ADAMTSL1: variants seen among roughly 807,000 people sequenced by gnomAD.
The protein encoded by ADAMTSL1 is ADAMTS-like protein 1.
Under a neutral mutation model 201.8 loss-of-function variants are expected in ADAMTSL1, and 126 were observed. The ratio of observed to expected loss-of-function variants is 0.62; its 90% CI spans 0.54 to 0.72. The LOEUF (loss-of-function observed/expected upper bound fraction) is 0.72. ADAMTSL1 is among the 30% of genes least tolerant of loss of function. ADAMTSL1 has a pLI of 0.00. For missense variants in ADAMTSL1, 2,679 were observed against 2,277.8 expected, an observed-to-expected ratio of 1.18 and a Z score of -3.59; for synonymous variants, 1,121 against 903.4, an observed-to-expected ratio of 1.24 and a Z score of -4.32.
At position 18,889,735 on chromosome 9, in the gene ADAMTSL1, G is replaced by C; in HGVS notation, c.4630G>C (p.Asp1544His). The C allele has an allele frequency of 1.3e-6, 2 of 1,507,718 alleles. No homozygotes were observed. The highest frequency in any genetic ancestry group is 1.3e-5 in the South Asian group (1 of 76,526). 93.4% of individuals were successfully genotyped at this position (1,507,718 alleles called of 1,614,324 possible). Reference protein sequence around the residue: ...AVQPIACNRRDCPSRWMVTSW... With the variant: ...AVQPIACNRRHCPSRWMVTSW... ...GCAGCCCATCGCGTGCAACCGGAGA[G>C]ACTGCCCTTCTCGGTGAGTGCAGCG... The change falls in exon 25 of 29, where the codon GAC becomes CAC. Residue 1544 changes from aspartate (D) to histidine (H), a missense_variant. Physicochemically the swap from Asp to His is moderately conservative, Grantham distance 81. Coordinates refer to ENST00000380548, the MANE Select transcript of ADAMTSL1 (RefSeq NM_001040272.6).
intron 4 of ADAMTSL1, among the ~76,000 whole-genome samples, chr9:18,578,961 G>A (rs1822911980): frequency 6.6e-6 from 1 of 151,242 alleles, no homozygotes; most frequent in African/African-American, 2.4e-5. Context: ...GTTTTGATTT[G>A]CATTTCTCTG....
chr9:18,272,216 G>A (rs1388511058), intron 2 of ADAMTSL1, among the ~76,000 whole-genome samples: 1 of 152,062 alleles, frequency 6.6e-6, no homozygotes, highest in African/African-American at 2.4e-5. Flanking sequence ...ATACTACAAG[G>A]CTACAGTAAC....
chr9:17,952,196 C>G (rs1003783923), intron 1 of ADAMTSL1, among the ~76,000 whole-genome samples: 21 of 151,614 alleles, frequency 1.4e-4, no homozygotes, highest in Admixed American at 1.1e-3. Flanking sequence ...TCAAGCAATC[C>G]TCCTGCCTCA....
At chr9:18,189,383 A>G (rs994081604) in intron 2 of ADAMTSL1, among the ~76,000 whole-genome samples, 1 of 152,144 alleles carries the variant, frequency 6.6e-6, no homozygotes, top group Non-Finnish European at 1.5e-5. Context: ...CAGACTTCCC[A>G]GTTGATCTAA....
In ADAMTSL1 at chr9:18,438,699, C is replaced by T. The variant is rs111902116; in HGVS notation, c.208-66130C>T. Reference sequence around the variant, plus strand: ...CATTTGCTGTTGTTGGCTGCGGCTCCGGGTGCCCGGCGCCAACTCCTCCGC... The same window carrying T: ...CATTTGCTGTTGTTGGCTGCGGCTCTGGGTGCCCGGCGCCAACTCCTCCGC... On this transcript the variant is annotated intron_variant, in intron 2 of 29. Coordinates refer to the ADAMTSL1 transcript ENST00000680146. 3.5e-3 allele frequency among the ~76,000 whole-genome samples: 536 copies of T among 152,276 alleles called. 3 individuals are homozygous for T. Among genetic ancestry groups the T allele is most frequent in the African/African-American group, 0.012 (512 of 41,566 alleles).
Position 18,504,849 on chromosome 9 carries a change from C to G in ADAMTSL1, c.84C>G (p.Ser28=). 1 of 1,614,112 alleles carries G rather than the reference C, an allele frequency of 6.2e-7. No individual in the cohort carries two copies. The highest frequency in any genetic ancestry group is 8.5e-7 in the Non-Finnish European group (1 of 1,180,000). Residue 28 remains serine (S), a synonymous_variant, in exon 2 of 29, where the codon TCC becomes TCG. Coordinates refer to ENST00000380548, the MANE Select transcript of ADAMTSL1 (RefSeq NM_001040272.6). ...FLLLSSRTAR[S]EEDRDGLWDA... is the part of the protein sequence containing the mutation. Reference sequence around the variant, plus strand: ...CACAGAGTTCCAGGACCGCACGCTCCGAGGAGGACCGGGACGGCCTATGGG... The same window carrying G: ...CACAGAGTTCCAGGACCGCACGCTCGGAGGAGGACCGGGACGGCCTATGGG...
At chr9:17,977,732 A>G (rs1478313256) in intron 1 of ADAMTSL1, among the ~76,000 whole-genome samples, 2 of 151,926 alleles carry the variant, frequency 1.3e-5, no homozygotes, top group Non-Finnish European at 2.9e-5. Flanking sequence ...TCTATTCTGC[A>G]GAAGGTTTTG....
intron 1 of ADAMTSL1, among the ~76,000 whole-genome samples, chr9:17,925,605 A>G (rs1425013437): frequency 7.8e-6 from 1 of 127,554 alleles, no homozygotes; most frequent in African/African-American, 2.8e-5. Flanking sequence ...TATCGCAAGA[A>G]CAAAAAACCA....
intron 2 of ADAMTSL1, among the ~76,000 whole-genome samples, chr9:18,277,504 G>T (rs1832630080): frequency 1.3e-5 from 2 of 152,020 alleles, no homozygotes; most frequent in African/African-American, 4.8e-5. Flanking sequence ...TTGATGAGTT[G>T]ACTTCTTTAT....
intron 2 of ADAMTSL1, among the ~76,000 whole-genome samples, chr9:18,420,475 A>T (rs1818892277): frequency 6.6e-6 from 1 of 152,192 alleles, no homozygotes; most frequent in African/African-American, 2.4e-5. Flanking sequence ...CAGCAAGCCT[A>T]CAGCTCAGAA....
intron 2 of ADAMTSL1, among the ~76,000 whole-genome samples, chr9:18,447,338 G>A (rs774982789): frequency 2.1e-4 from 32 of 152,262 alleles, no homozygotes; most frequent in Non-Finnish European, 3.5e-4. Context: ...ATGTTGTGCC[G>A]TGTTTGGTTT....
intron 2 of ADAMTSL1, among the ~76,000 whole-genome samples, chr9:18,205,596 G>A (rs919769813): frequency 8.5e-5 from 13 of 152,050 alleles, no homozygotes; most frequent in Non-Finnish European, 4.4e-5. Flanking sequence ...TTCCACAGGC[G>A]AAAAGCAAGC....
intron 4 of ADAMTSL1, among the ~76,000 whole-genome samples, chr9:18,620,355 G>C (rs983086652): frequency 1.3e-5 from 2 of 152,138 alleles, no homozygotes; most frequent in South Asian, 4.1e-4. Context: ...TCTCATGAGA[G>C]TGGACCCATA....
chr9:18,623,037 A>T (rs1826131208), intron 5 of ADAMTSL1, among the ~76,000 whole-genome samples: 1 of 152,178 alleles, frequency 6.6e-6, no homozygotes. Context: ...CTGTGATTAC[A>T]GATGCATGCC....
intron 3 of ADAMTSL1, among the ~76,000 whole-genome samples, chr9:18,535,384 G>A (rs1365879344): frequency 6.6e-6 from 1 of 152,168 alleles, no homozygotes; most frequent in African/African-American, 2.4e-5. Flanking sequence ...CATTCAACAA[G>A]ACTGTAGGAA....
At position 18,095,079 on chromosome 9, in the gene ADAMTSL1, G is replaced by T. The variant is rs12005517; in HGVS notation, c.88-68783G>T. Among the ~76,000 whole-genome samples the T allele has an allele frequency of 3.3e-5, 5 of 152,170 alleles. No homozygotes were observed. The South Asian group carries it at 1.0e-3, about 32-fold the overall frequency. On this transcript the variant is annotated intron_variant, in intron 1 of 29. Coordinates refer to the ADAMTSL1 transcript ENST00000680146. Reference sequence around the variant, plus strand: ...TGGTGCTAAAAGATAGTTCATGGACGCAGCTTACAGAGACACCTGGGAGCT... The same window carrying T: ...TGGTGCTAAAAGATAGTTCATGGACTCAGCTTACAGAGACACCTGGGAGCT...
At chr9:18,574,631 G>A in intron 4 of ADAMTSL1, 1 of 296,926 alleles carries the variant, frequency 3.4e-6, no homozygotes, top group Non-Finnish European at 6.2e-6. Context: ...TTAGAGACTG[G>A]ATTTTCATTG....
intron 2 of ADAMTSL1, among the ~76,000 whole-genome samples, chr9:18,385,796 C>T (rs1172768024): frequency 6.6e-6 from 1 of 152,180 alleles, no homozygotes; most frequent in African/African-American, 2.4e-5. Context: ...GCTGACATTT[C>T]ACTTCATGCT....
chr9:18,886,964 C>T (rs1364729313), intron 23 of ADAMTSL1, among the ~76,000 whole-genome samples: 1 of 152,078 alleles, frequency 6.6e-6, no homozygotes, highest in Admixed American at 6.5e-5. Context: ...CTTAACTGTC[C>T]CCAGAGCAGT....
Sources: allele counts gnomAD v4.1 joint callset (sites outside exome capture counted in the v4.1 genomes callset), GRCh38; gene constraint gnomAD v4.1.1; transcripts MANE v1.5; gene names NCBI Gene and HGNC (gene_info 2026-07-23, HGNC 2026-07-21).